The following ESR1 variants were observed in gnomAD, a reference collection of about 807,000 sequenced individuals.
The protein encoded by ESR1 is estrogen receptor 1.
ESR1 carries 12 observed loss-of-function variants against 52.7 expected under a neutral mutation model. That is an observed-to-expected ratio of 0.23 (90% CI 0.15 to 0.37). ESR1 has a LOEUF of 0.37. Ranked by LOEUF, ESR1 falls within the 10% of genes least tolerant of loss-of-function variation. The pLI is 1.00. For missense variants in ESR1, 584 were observed against 779.7 expected (o/e 0.75, Z 2.99); for synonymous variants, 305 against 316.8 (o/e 0.96, Z 0.39).
At chr6:152,113,788 C>T (rs1484749684) in intron 6 of ESR1, among the ~76,000 whole-genome samples, 2 of 152,104 alleles carry the variant, frequency 1.3e-5, no homozygotes, top group Non-Finnish European at 1.5e-5. Flanking sequence ...ACATCCTATA[C>T]ATTAATGTAT....
chr6:151,667,543 A>T (rs1381919028), intron 1 of ESR1, among the ~76,000 whole-genome samples: 1 of 152,172 alleles, frequency 6.6e-6, no homozygotes, highest in African/African-American at 2.4e-5. Context: ...TTCCTGCCTG[A>T]TGCCAGGAAC....
intron 1 of ESR1, among the ~76,000 whole-genome samples, chr6:151,672,425 C>T (rs1269207695): frequency 6.6e-6 from 1 of 151,970 alleles, no homozygotes; most frequent in Non-Finnish European, 1.5e-5. Context: ...TAGCCTCTGC[C>T]TTCCAGGTTC....
rs1470772660 is a variant in ESR1 at position 152,056,020 on chromosome 6, G to A, written c.1236-4971G>A. The stretch of plus-strand genomic sequence containing the variant: ...CAGACACACAGAGTTTAAGTAATTT[G>A]TTCAAGATCACAAAGTTAGTAAATG... On this transcript the variant is annotated intron_variant, in intron 5 of 7. Transcript: ENST00000206249. 3.3e-5 allele frequency among the ~76,000 whole-genome samples: 5 copies of A among 152,124 alleles called. No homozygotes were observed. In the East Asian group the frequency reaches 9.6e-4, roughly 29 times the overall value.
chr6:151,924,951 T>C (rs2032416044), intron 3 of ESR1, among the ~76,000 whole-genome samples: 1 of 152,106 alleles, frequency 6.6e-6, no homozygotes, highest in Non-Finnish European at 1.5e-5. Flanking sequence ...GGTAGAACAA[T>C]TTATATTCCA....
At chr6:152,023,441 T>C (rs1390466110) in intron 5 of ESR1, among the ~76,000 whole-genome samples, 2 of 152,238 alleles carry the variant, frequency 1.3e-5, no homozygotes, top group African/African-American at 4.8e-5. Flanking sequence ...TTGTCCTTTT[T>C]CTTTGTTTAT....
chr6:151,982,446 A>G (rs923174457), intron 4 of ESR1, among the ~76,000 whole-genome samples: 5 of 152,182 alleles, frequency 3.3e-5, no homozygotes, highest in African/African-American at 1.2e-4. Flanking sequence ...TAAATTTTCT[A>G]GTAGCCACAT....
At chr6:151,910,563 G>C (rs947422543) in intron 3 of ESR1, among the ~76,000 whole-genome samples, 2 of 152,178 alleles carry the variant, frequency 1.3e-5, no homozygotes, top group African/African-American at 4.8e-5. Context: ...GACTTGGATT[G>C]TGCCACAGTT....
intron 2 of ESR1, among the ~76,000 whole-genome samples, chr6:151,784,037 A>T (rs1338329811): frequency 6.6e-6 from 1 of 152,214 alleles, no homozygotes; most frequent in East Asian, 1.9e-4. Flanking sequence ...ATATTCTAAC[A>T]ATATGATTTA....
intron 2 of ESR1, among the ~76,000 whole-genome samples, chr6:151,847,902 T>C (rs915111636): frequency 3.3e-5 from 5 of 151,844 alleles, no homozygotes; most frequent in African/African-American, 1.2e-4. Flanking sequence ...AGTTCAACCA[T>C]TGTGGAAGTC....
intron 1 of ESR1, among the ~76,000 whole-genome samples, chr6:151,812,583 A>G (rs1007388295): frequency 6.6e-6 from 1 of 152,214 alleles, no homozygotes; most frequent in Non-Finnish European, 1.5e-5. Flanking sequence ...CGTACTCAGC[A>G]TGAAATTAAT....
At chr6:152,040,803 T>G (rs1350994677) in intron 5 of ESR1, among the ~76,000 whole-genome samples, 3 of 152,140 alleles carry the variant, frequency 2.0e-5, no homozygotes, top group Non-Finnish European at 4.4e-5. Context: ...CATAGGGAAC[T>G]CCCCATGAGG....
chr6:152,051,890 A>T (rs1562726996), intron 5 of ESR1, among the ~76,000 whole-genome samples: 2 of 152,086 alleles, frequency 1.3e-5, no homozygotes, highest in Admixed American at 6.5e-5. Context: ...AGAAAGACAC[A>T]TTGCTGTCCT....
chr6:151,789,983 G>C (rs1787373640), intron 2 of ESR1, among the ~76,000 whole-genome samples: 1 of 152,142 alleles, frequency 6.6e-6, no homozygotes, highest in Non-Finnish European at 1.5e-5. Flanking sequence ...GAAGGTGTTG[G>C]GAGCTGCCCC....
chr6:151,697,390 G>A (rs1399620282), intron 1 of ESR1, among the ~76,000 whole-genome samples: 1 of 152,218 alleles, frequency 6.6e-6, no homozygotes, highest in African/African-American at 2.4e-5. Context: ...TGCAAGCTTG[G>A]TGCCCCATCT....
intron 3 of ESR1, among the ~76,000 whole-genome samples, chr6:151,924,328 ACGGCGTCCGGC>A (rs1294927271): frequency 1.3e-5 from 2 of 152,230 alleles, no homozygotes; most frequent in Admixed American, 1.3e-4. Context: ...GACATAAGCC[ACGGCGTCCGGC>A]CTGCAATTTC....
intron 4 of ESR1, among the ~76,000 whole-genome samples, chr6:151,998,943 G>A (rs1020570856): frequency 6.6e-6 from 1 of 152,100 alleles, no homozygotes; most frequent in Non-Finnish European, 1.5e-5. Context: ...ACCCACAGAT[G>A]TTGTACAAAA....
At chr6:152,104,397 CCAG>C (rs2051037001), downstream of ESR1, among the ~76,000 whole-genome samples, 1 of 152,072 alleles carries the variant, frequency 6.6e-6, no homozygotes, top group South Asian at 2.1e-4. Flanking sequence ...TGTGAAGTGC[CCAG>C]GATAGTACCA....
At chr6:151,725,847 T>G (rs1019037582) in intron 2 of ESR1, among the ~76,000 whole-genome samples, 6 of 152,184 alleles carry the variant, frequency 3.9e-5, no homozygotes, top group African/African-American at 1.4e-4. Context: ...AGATGGTCAA[T>G]ATAGGAACTT....
In ESR1 at chr6:151,742,080, G is replaced by A. The variant is rs149677404; in HGVS notation, c.-71+40075G>A. On this transcript the variant is annotated intron_variant, in intron 2 of 2. Coordinates refer to the ESR1 transcript ENST00000404742. ...CACTTAGCACAATAACCTCCACCAG[G>A]CTCATCCATGTTGTGGCAAATGGCA... Among the ~76,000 whole-genome samples, 7 of 152,142 alleles carry A rather than the reference G, an allele frequency of 4.6e-5. No individual in the cohort carries two copies. In the East Asian group the frequency reaches 1.4e-3, roughly 29 times the overall value.
Sources: allele counts gnomAD v4.1 joint callset (sites outside exome capture counted in the v4.1 genomes callset), GRCh38; gene constraint gnomAD v4.1.1; transcripts MANE v1.5; gene names NCBI Gene and HGNC (gene_info 2026-07-23, HGNC 2026-07-21).